RBFOX2: variants seen among roughly 807,000 people sequenced by gnomAD.
RBFOX2 encodes the protein RNA binding protein fox-1 homolog 2.
RBFOX2 carries 10 observed loss-of-function variants against 49.1 expected under a neutral mutation model. The observed-to-expected ratio is 0.20, with a 90% confidence interval of 0.13 to 0.35. The LOEUF (loss-of-function observed/expected upper bound fraction) is 0.35. Ranked by LOEUF, RBFOX2 falls within the 10% of genes least tolerant of loss-of-function variation. The pLI, the probability that RBFOX2 is intolerant of heterozygous loss-of-function variation, is 1.00. For synonymous variants in RBFOX2, 183 were observed against 187.4 expected, an observed-to-expected ratio of 0.98 and a Z score of 0.19; for missense variants, 323 against 486.9, an observed-to-expected ratio of 0.66 and a Z score of 3.17.
chr22:35,805,265 G>C (rs1390932089), intron 2 of RBFOX2, among the ~76,000 whole-genome samples: 2 of 147,614 alleles, frequency 1.4e-5, no homozygotes, highest in Non-Finnish European at 3.0e-5. Flanking sequence ...ACTCCAGCCT[G>C]GGCGACAGAG....
At chr22:35,789,914 A>G (rs1947257296) in intron 2 of RBFOX2, among the ~76,000 whole-genome samples, 1 of 152,188 alleles carries the variant, frequency 6.6e-6, no homozygotes, top group African/African-American at 2.4e-5. Context: ...AAATTTGGGA[A>G]GTCTGAGTGG....
At chr22:35,930,673 T>C (rs1451417533) in intron 1 of RBFOX2, among the ~76,000 whole-genome samples, 1 of 151,512 alleles carries the variant, frequency 6.6e-6, no homozygotes, top group Admixed American at 6.6e-5. Flanking sequence ...CTACTAAAAA[T>C]ATAAAAAGTA....
chr22:35,896,974 T>G (rs2047924205), intron 1 of RBFOX2, among the ~76,000 whole-genome samples: 1 of 152,224 alleles, frequency 6.6e-6, no homozygotes, highest in Non-Finnish European at 1.5e-5. Flanking sequence ...AACTTTCCTC[T>G]CTAGTTACAT....
chr22:36,011,290 C>T (rs1051554953), intron 1 of RBFOX2, among the ~76,000 whole-genome samples: 1 of 152,084 alleles, frequency 6.6e-6, no homozygotes, highest in Non-Finnish European at 1.5e-5. Context: ...GTAGCAACAT[C>T]AGGTATCTGC....
At chr22:35,746,411 T>C in intron 10 of RBFOX2, 62 bp downstream of exon 12, 6 of 1,365,794 alleles carry the variant, frequency 4.4e-6, no homozygotes, top group Non-Finnish European at 6.0e-6. Context: ...GGAAAATGGG[T>C]GACATTTTGG....
intron 1 of RBFOX2, among the ~76,000 whole-genome samples, chr22:35,880,598 T>C (rs2045754788): frequency 6.6e-6 from 1 of 152,234 alleles, no homozygotes; most frequent in African/African-American, 2.4e-5. Flanking sequence ...TAAGAATTTA[T>C]ACTTTATGAT....
intron 2 of RBFOX2, among the ~76,000 whole-genome samples, chr22:35,799,509 T>C (rs1949381737): frequency 6.6e-6 from 1 of 152,254 alleles, no homozygotes. Flanking sequence ...AGTTCTCATT[T>C]TTGTACAAGT....
chr22:35,782,797 T>C (rs947590062), intron 2 of RBFOX2, among the ~76,000 whole-genome samples: 10 of 152,232 alleles, frequency 6.6e-5, no homozygotes, highest in African/African-American at 2.4e-4. Context: ...AGCATAAAAA[T>C]GCAAGATTTG....
At chr22:35,955,144 T>G (rs996547105) in intron 1 of RBFOX2, among the ~76,000 whole-genome samples, 6 of 152,298 alleles carry the variant, frequency 3.9e-5, no homozygotes, top group African/African-American at 1.2e-4. Context: ...AAGAACCAAT[T>G]TAAGAGGTTT....
intron 1 of RBFOX2, among the ~76,000 whole-genome samples, chr22:35,855,896 A>G (rs1182332680): frequency 6.6e-6 from 1 of 151,808 alleles, no homozygotes; most frequent in Non-Finnish European, 1.5e-5. Context: ...AGTCCCAGGT[A>G]CTCGGGAGGC....
chr22:35,957,815 A>C (rs1010570922), intron 1 of RBFOX2, among the ~76,000 whole-genome samples: 5 of 152,226 alleles, frequency 3.3e-5, no homozygotes, highest in Non-Finnish European at 7.3e-5. Flanking sequence ...GAATGGAATA[A>C]CAGACTAACA....
chr22:35,939,834 C>T (rs1356195968), upstream of RBFOX2, among the ~76,000 whole-genome samples: 3 of 150,782 alleles, frequency 2.0e-5, no homozygotes, highest in African/African-American at 7.4e-5. Flanking sequence ...CACTGTTAGT[C>T]GACTGATGGA....
intron 2 of RBFOX2, among the ~76,000 whole-genome samples, chr22:35,786,813 A>C (rs536308193): frequency 6.6e-6 from 1 of 152,370 alleles, no homozygotes; most frequent in Non-Finnish European, 1.5e-5. Context: ...AGTAAGCAGC[A>C]GACTAGGAAT....
chr22:35,820,627 A>C (rs1230215748), intron 1 of RBFOX2, among the ~76,000 whole-genome samples: 1 of 152,220 alleles, frequency 6.6e-6, no homozygotes, highest in African/African-American at 2.4e-5. Flanking sequence ...GAACTCTTTG[A>C]AGGCAGGTAA....
intron 1 of RBFOX2, among the ~76,000 whole-genome samples, chr22:36,017,003 G>A (rs1346991755): frequency 6.6e-6 from 1 of 152,084 alleles, no homozygotes; most frequent in Non-Finnish European, 1.5e-5. Flanking sequence ...AAACTGGCTG[G>A]AACAGGCAAG....
intron 1 of RBFOX2, among the ~76,000 whole-genome samples, chr22:35,860,530 T>A (rs1234195835): frequency 6.6e-6 from 1 of 152,230 alleles, no homozygotes; most frequent in East Asian, 1.9e-4. Flanking sequence ...AAAACCTAAC[T>A]GACACAATTT....
chr22:35,998,351 A>AT (rs1349212202), intron 1 of RBFOX2: 1 of 152,088 alleles, frequency 6.6e-6, no homozygotes, highest in Non-Finnish European at 1.5e-5. Context: ...ACTACCTCAC[A>AT]TAGAGAACAT....
In RBFOX2 at chr22:36,010,088, G is replaced by A. The variant is rs964391033; in HGVS notation, c.186+18152C>T. 4.6e-5 allele frequency among the ~76,000 whole-genome samples: 7 copies of A among 151,988 alleles called. No individual in the cohort carries two copies. The South Asian group carries it at 1.2e-3, about 27-fold the overall frequency. On this transcript the variant is annotated intron_variant, in intron 1 of 13. Transcript: ENST00000438146. ...CTCTAAATTGCCTGGGTACCTTCTC[G>A]GAGTCCTGAAACACTACTGAGACCC...
intron 4 of RBFOX2, among the ~76,000 whole-genome samples, chr22:35,776,549 A>G: frequency 6.6e-6 from 1 of 152,216 alleles, no homozygotes. Context: ...GGAGGTATAT[A>G]AACTCTGTTA....
Sources: gnomAD v4.1 joint callset for allele counts (sites outside exome capture counted in the v4.1 genomes callset) on GRCh38, gnomAD v4.1.1 for gene constraint, MANE v1.5 for transcripts, NCBI Gene and HGNC (gene_info 2026-07-23, HGNC 2026-07-21) for gene names.